Variants in PHC2 observed in about 807,000 individuals in gnomAD.
PHC2 encodes polyhomeotic-like protein 2.
A neutral mutation model predicts 87.4 loss-of-function variants in PHC2; 29 were observed. The observed-to-expected ratio is 0.33, with a 90% CI of 0.25 to 0.45. PHC2 has a LOEUF of 0.45. PHC2 is among the 20% of genes least tolerant of loss of function. The pLI is 1.00. For missense variants in PHC2, 857 were observed against 1,136.7 expected (o/e 0.75, Z 3.54); for synonymous variants, 438 against 461.7 (o/e 0.95, Z 0.66).
At chr1:33,418,163 T>A (rs1650284870) in intron 1 of PHC2, among the ~76,000 whole-genome samples, 1 of 152,076 alleles carries the variant, frequency 6.6e-6, no homozygotes, top group South Asian at 2.1e-4. Context: ...AGCTTCTATT[T>A]TGTTAGAGAA....
At chr1:33,378,279 T>A (rs1648286616) in intron 1 of PHC2, among the ~76,000 whole-genome samples, 1 of 152,234 alleles carries the variant, frequency 6.6e-6, no homozygotes, top group African/African-American at 2.4e-5. Flanking sequence ...GGAGGTATAA[T>A]TCCTGATCTC....
chr1:33,337,434 A>G (rs1239019545), intron 9 of PHC2, among the ~76,000 whole-genome samples: 3 of 152,196 alleles, frequency 2.0e-5, no homozygotes, highest in Non-Finnish European at 2.9e-5. Flanking sequence ...GAACAAGGCC[A>G]ATCAGATTTG....
At position 33,330,232 on chromosome 1, in the gene PHC2, G is replaced by C. The variant is rs1646461187; in HGVS notation, c.2007-20C>G. ...TTGTACCTTCAGGGACAGGGGAACA[G>C]GGGATGTCACAGTAGTCATTGTGCT... On this transcript the variant is annotated intron_variant, in intron 12 of 14. Transcript: ENST00000683057. The C allele has an allele frequency of 6.2e-7, 1 of 1,604,684 alleles. No individual in the cohort carries two copies. Among genetic ancestry groups the C allele is most frequent in the Non-Finnish European group, 8.5e-7 (1 of 1,176,102 alleles).
intron 1 of PHC2, among the ~76,000 whole-genome samples, chr1:33,376,475 A>G (rs1648190253): frequency 6.6e-6 from 1 of 152,236 alleles, no homozygotes; most frequent in Non-Finnish European, 1.5e-5. Context: ...CAAAACTAGG[A>G]AAGGAGGCAG....
At chr1:33,328,028 G>C (rs1308871448) in intron 14 of PHC2, among the ~76,000 whole-genome samples, 3 of 152,238 alleles carry the variant, frequency 2.0e-5, no homozygotes, top group Non-Finnish European at 4.4e-5. Flanking sequence ...GTGTGACTCA[G>C]AAGTCTGTGC....
At chr1:33,356,294 T>TACG (rs71006395) in intron 7 of PHC2, among the ~76,000 whole-genome samples, 8 of 140,948 alleles carry the variant, frequency 5.7e-5, no homozygotes, top group Non-Finnish European at 1.3e-4. Context: ...TATATATATA[T>TACG]TTATTTATTT....
chr1:33,349,215 C>T lies in PHC2; in HGVS notation c.1558+5186G>A, dbSNP rs530006606. On this transcript the variant is annotated intron_variant, in intron 9 of 14. Transcript: ENST00000683057. This position sits in a 1 kb window ranked among gnomAD's most constrained non-coding sequence, Gnocchi z 4.2. The stretch of plus-strand genomic sequence containing the variant: ...GCAGGCGCCTCCAAGATAGGGAGTC[C>T]ACCACCAATAAAGTACGGCAGATGC... 33 of 985,454 alleles carry T rather than the reference C, an allele frequency of 3.3e-5. No homozygotes were observed. In the East Asian group the frequency reaches 3.6e-3, roughly 108 times the overall value. 61.0% of individuals were successfully genotyped at this position (985,454 alleles called of 1,614,324 possible).
intron 9 of PHC2, among the ~76,000 whole-genome samples, chr1:33,340,994 T>C (rs1646734241): frequency 6.6e-6 from 1 of 152,090 alleles, no homozygotes; most frequent in Admixed American, 6.6e-5. Context: ...AGAAAGGCCC[T>C]GAGTTTAACA....
At chr1:33,354,342 G>C (rs1647027541) in intron 9 of PHC2, 59 bp downstream of exon 9, 4 of 1,489,204 alleles carry the variant, frequency 2.7e-6, no homozygotes, top group Non-Finnish European at 2.8e-6. Flanking sequence ...AAATGTGCCA[G>C]GGCATGGCAA....
In PHC2 at chr1:33,364,168, T is replaced by C. The variant is rs1471252863; in HGVS notation, c.976+2948A>G. 6.6e-6 allele frequency among the ~76,000 whole-genome samples: 1 copy of C among 152,058 alleles called. No homozygotes were observed. The highest frequency in any genetic ancestry group is 2.4e-5 in the African/African-American group (1 of 41,400). On this transcript the variant is annotated intron_variant, in intron 7 of 14. Transcript: ENST00000683057. The surrounding 1 kb of genome is among the most constrained non-coding windows in gnomAD (Gnocchi z 4.1). ...CAGTGGGAGCAGTCCCAGCTGGGAC[T>C]GGAGGGTCTGCCTGCTCTGGGAGGA...
chr1:33,404,950 GT>G, intron 1 of PHC2, among the ~76,000 whole-genome samples: 1 of 152,254 alleles, frequency 6.6e-6, no homozygotes, highest in Non-Finnish European at 1.5e-5. Context: ...AACTTGGCAT[GT>G]TTAATGGCTG....
chr1:33,366,829 G>GTA (rs1449992279), intron 7 of PHC2, among the ~76,000 whole-genome samples: 2 of 152,218 alleles, frequency 1.3e-5, no homozygotes, highest in African/African-American at 4.8e-5. Flanking sequence ...ACTCCAGGTT[G>GTA]TGCCCACAGC....
At chr1:33,396,762 C>T (rs1434007122) in intron 1 of PHC2, among the ~76,000 whole-genome samples, 2 of 152,116 alleles carry the variant, frequency 1.3e-5, no homozygotes, top group African/African-American at 2.4e-5. Context: ...ATAAGAGCTG[C>T]GGTCAGAATC....
rs1648546349 is a variant in PHC2 at position 33,382,613 on chromosome 1, C to T, written c.-54-7020G>A. Among the ~76,000 whole-genome samples, 2 of 152,134 alleles carry T rather than the reference C, an allele frequency of 1.3e-5. No homozygotes were observed. The highest frequency in any genetic ancestry group is 4.1e-4 in the South Asian group (2 of 4,836). On this transcript the variant is annotated intron_variant, in intron 1 of 14. Coordinates refer to ENST00000683057, the MANE Select transcript of PHC2 (RefSeq NM_001385109.1). The surrounding 1 kb of genome is among the most constrained non-coding windows in gnomAD (Gnocchi z 4.3). The stretch of plus-strand genomic sequence containing the variant: ...TTGTATGAGCCCGGGCTCTGAAGGG[C>T]TATGATTCCTATTTAAGTCACTTCT...
Position 33,354,412 on chromosome 1 carries a change from G to A in PHC2, c.1547C>T (p.Ser516Phe). 6.2e-7 allele frequency: 1 copy of A among 1,613,118 alleles called. No individual in the cohort carries two copies. Among genetic ancestry groups the A allele is most frequent in the Admixed American group, 1.7e-5 (1 of 59,940 alleles). The change falls in exon 9 of 15, where the codon TCC becomes TTC. Residue 516 changes from serine to phenylalanine, a missense_variant. Coordinates refer to ENST00000683057, the MANE Select transcript of PHC2 (RefSeq NM_001385109.1). Reference protein sequence around the residue: ...PVPTSPNIQPSPAHETGQGIV... With the variant: ...PVPTSPNIQPFPAHETGQGIV... ...ACTGTGCTTCATACCGTGAGCTGGG[G>A]ACGGCTGGATGTTAGGGCTCGTGGG...
chr1:33,388,556 C>A (rs1648884145), intron 1 of PHC2, among the ~76,000 whole-genome samples: 1 of 151,834 alleles, frequency 6.6e-6, no homozygotes, highest in South Asian at 2.1e-4. Context: ...AACTCCTGAC[C>A]TCAGGTGATC....
chr1:33,353,664 G>A (rs1399194643), intron 9 of PHC2, among the ~76,000 whole-genome samples: 1 of 152,076 alleles, frequency 6.6e-6, no homozygotes, highest in Admixed American at 6.5e-5. Context: ...AGCAAACACA[G>A]CACAATGACT....
At chr1:33,423,874 A>C (rs1292744860) in intron 1 of PHC2, among the ~76,000 whole-genome samples, 2 of 152,172 alleles carry the variant, frequency 1.3e-5, no homozygotes, top group African/African-American at 4.8e-5. Flanking sequence ...CGAGGAGGGC[A>C]GATCACGAGG....
At chr1:33,348,492 C>T (rs943296329) in intron 9 of PHC2, among the ~76,000 whole-genome samples, 1 of 152,194 alleles carries the variant, frequency 6.6e-6, no homozygotes, top group Non-Finnish European at 1.5e-5. Flanking sequence ...GGTCAGTAGG[C>T]TGTGGTACAA....
Sources: allele counts gnomAD v4.1 joint callset (sites outside exome capture counted in the v4.1 genomes callset), GRCh38; gene constraint gnomAD v4.1.1; non-coding constraint Gnocchi (gnomAD v3.1); transcripts MANE v1.5; gene names NCBI Gene and HGNC (gene_info 2026-07-23, HGNC 2026-07-21).